Variants in ARL14EPL observed in about 807,000 individuals in gnomAD.
ARL14EPL encodes ARL14 effector protein-like.
ARL14EPL carries 17 observed loss-of-function variants against 15.9 expected under a neutral mutation model. That is an observed-to-expected ratio of 1.07 (90% CI 0.73 to 1.60). The LOEUF is 1.60. Among genes scored for constraint, ARL14EPL ranks in the 40% most tolerant of loss-of-function variants. The pLI, the probability that ARL14EPL is intolerant of heterozygous loss-of-function variation, is 0.00. For synonymous variants in ARL14EPL, 78 were observed against 63.8 expected, an observed-to-expected ratio of 1.22 and a Z score of -1.06; for missense variants, 214 against 185.9, an observed-to-expected ratio of 1.15 and a Z score of -0.88.
At chr5:116,039,934 G>T (rs1275943556) in intron 1 of ARL14EPL, among the ~76,000 whole-genome samples, 1 of 152,096 alleles carries the variant, frequency 6.6e-6, no homozygotes, top group African/African-American at 2.4e-5. Flanking sequence ...TACATTCTCA[G>T]ATCTGCTTTT....
Position 116,051,849 on chromosome 5 carries a change from A to T in ARL14EPL, c.96+288A>T, listed in dbSNP as rs200895836. 1.2e-4 allele frequency: 130 copies of T among 1,099,250 alleles called. No individual in the cohort carries two copies. The African/African-American group carries it at 2.1e-3, about 18-fold the overall frequency. The allele number at this position is 1,099,250 out of a possible 1,614,324, so 68.1% of individuals were successfully genotyped here. The stretch of plus-strand genomic sequence containing the variant: ...AATATATACAAACGTTTTTATTTTT[A>T]TTTTTATTTTTTGATTTAATAAAGT... On this transcript the variant is annotated intron_variant, in intron 2 of 3. Transcript: ENST00000686077.
intron 1 of ARL14EPL, among the ~76,000 whole-genome samples, chr5:116,045,936 A>AT (rs1393426752): frequency 6.6e-6 from 1 of 152,104 alleles, no homozygotes; most frequent in Non-Finnish European, 1.5e-5. Flanking sequence ...GGCAGTGGAG[A>AT]TTTTTTAGAG....
At chr5:116,058,646 A>T in intron 3 of ARL14EPL, 79 bp from the exon 4 acceptor site, 1 of 1,330,996 alleles carries the variant, frequency 7.5e-7, no homozygotes, top group Non-Finnish European at 1.0e-6. Flanking sequence ...CATGTGTATG[A>T]TGTTGATTGT....
At chr5:116,040,756 G>A (rs1270048574) in intron 1 of ARL14EPL, among the ~76,000 whole-genome samples, 3 of 149,776 alleles carry the variant, frequency 2.0e-5, no homozygotes, top group African/African-American at 4.9e-5. Flanking sequence ...GGCGGATCAC[G>A]AGGTCATATC....
chr5:116,045,772 GTGTGTGTGTA>G lies in ARL14EPL; in HGVS notation c.-9-5679_-9-5670del, dbSNP rs1370062725. Among the ~76,000 whole-genome samples, 155 of 110,610 alleles carry G rather than the reference GTGTGTGTGTA, an allele frequency of 1.4e-3. 1 individual carries two copies. Among genetic ancestry groups the G allele is most frequent in the South Asian group, 2.2e-3 (7 of 3,160 alleles). The allele number at this position is 110,610 out of a possible 152,430, so 72.6% of individuals were successfully genotyped here. On this transcript the variant is annotated intron_variant, in intron 1 of 3. Transcript: ENST00000686077. ...TGTGTGTGTGTGTGTGTGTGTGTGT[GTGTGTGTGTA>G]TGTGTACGAAAATACAACTACAAAA...
chr5:116,058,477 C>G (rs1489169037), intron 3 of ARL14EPL, among the ~76,000 whole-genome samples: 1 of 152,142 alleles, frequency 6.6e-6, no homozygotes, highest in Non-Finnish European at 1.5e-5. Context: ...GATGACAAGC[C>G]TGGCTGCACT....
intron 1 of ARL14EPL, among the ~76,000 whole-genome samples, chr5:116,042,248 G>A (rs552914894): frequency 6.6e-6 from 1 of 152,280 alleles, no homozygotes; most frequent in African/African-American, 2.4e-5. Context: ...GTGCTTATTT[G>A]ATTACATATC....
chr5:116,040,467 AAG>A (rs1389964525), intron 1 of ARL14EPL, among the ~76,000 whole-genome samples: 1 of 151,802 alleles, frequency 6.6e-6, no homozygotes, highest in East Asian at 1.9e-4. Flanking sequence ...ATTTCTGGAA[AAG>A]AGAATAAAGG....
chr5:116,049,665 G>T (rs538595476), intron 1 of ARL14EPL, among the ~76,000 whole-genome samples: 1 of 152,064 alleles, frequency 6.6e-6, no homozygotes, highest in Non-Finnish European at 1.5e-5. Context: ...TTTTAAATGT[G>T]TCCTTTCTTT....
Position 116,058,923 on chromosome 5 carries a change from G to C in ARL14EPL, c.435G>C (p.Thr145=), listed in dbSNP as rs370426377. The change falls in exon 4 of 4, where the codon ACG becomes ACC. Residue 145 remains threonine, a synonymous_variant. Coordinates refer to ENST00000686077, the MANE Select transcript of ARL14EPL (RefSeq NM_001195581.2). ...IVTESGEVIS[T]LPFNVPD Reference sequence around the variant, plus strand: ...CTGAGTCAGGAGAGGTCATCAGCACGCTGCCGTTTAATGTTCCTGACTAGG... The same window carrying C: ...CTGAGTCAGGAGAGGTCATCAGCACCCTGCCGTTTAATGTTCCTGACTAGG... 1.3e-6 allele frequency: 2 copies of C among 1,536,014 alleles called. No homozygotes were observed. The highest frequency in any genetic ancestry group is 8.7e-7 in the Non-Finnish European group (1 of 1,146,864).
At chr5:116,052,006 T>C (rs1749393199) in intron 2 of ARL14EPL, 3 of 1,611,456 alleles carry the variant, frequency 1.9e-6, no homozygotes, top group Non-Finnish European at 2.5e-6. Context: ...TGATAAGTCC[T>C]TTACTAAGGA....
intron 3 of ARL14EPL, 49 bp from the exon 4 acceptor site, chr5:116,058,676 G>A (rs1355945393): frequency 2.0e-6 from 3 of 1,492,248 alleles, no homozygotes; most frequent in Non-Finnish European, 2.7e-6. Context: ...TATTCTCAAT[G>A]TTGAGGATGA....
At chr5:116,042,788 A>G (rs1188333302) in intron 1 of ARL14EPL, among the ~76,000 whole-genome samples, 2 of 152,212 alleles carry the variant, frequency 1.3e-5, no homozygotes, top group Non-Finnish European at 2.9e-5. Context: ...CCTATATCAT[A>G]TAGAACTTCT....
In ARL14EPL at chr5:116,058,691, A is replaced by C. The variant is rs75242520; in HGVS notation, c.237-34A>C. The C allele has an allele frequency of 0.013, 19,989 of 1,515,288 alleles. 1,091 individuals are homozygous for C. The East Asian group carries it at 0.16, about 12-fold the overall frequency. The allele number at this position is 1,515,288 out of a possible 1,614,324, so 93.9% of individuals were successfully genotyped here. A position where few individuals can be genotyped will look rare whatever the true frequency, so the allele number is the denominator to read the frequency against. On this transcript the variant is annotated intron_variant, in intron 3 of 3. Transcript: ENST00000686077. ...TATTCTCAATGTTGAGGATGATTGCACTGTCATCTTAATGTCATGCTTTTC... is the reference window on the plus strand; with the variant it reads ...TATTCTCAATGTTGAGGATGATTGCCCTGTCATCTTAATGTCATGCTTTTC...
At chr5:116,049,765 G>C (rs1749335932) in intron 1 of ARL14EPL, among the ~76,000 whole-genome samples, 1 of 152,204 alleles carries the variant, frequency 6.6e-6, no homozygotes, top group Non-Finnish European at 1.5e-5. Context: ...AACTCCAGCA[G>C]TGCTATAAAA....
At chr5:116,034,694 T>G (rs1378173979) in intron 1 of ARL14EPL, among the ~76,000 whole-genome samples, 1 of 152,186 alleles carries the variant, frequency 6.6e-6, no homozygotes, top group Non-Finnish European at 1.5e-5. Flanking sequence ...ATATACCATT[T>G]GAGCTATGTG....
intron 1 of ARL14EPL, among the ~76,000 whole-genome samples, chr5:116,039,162 G>A (rs889156694): frequency 3.3e-5 from 5 of 152,062 alleles, no homozygotes; most frequent in Non-Finnish European, 7.4e-5. Flanking sequence ...GGGGCAGAAG[G>A]TCAGGTCCCG....
At chr5:116,050,816 T>TCAC (rs1561579525) in intron 1 of ARL14EPL, among the ~76,000 whole-genome samples, 1 of 81,558 alleles carries the variant, frequency 1.2e-5, no homozygotes, top group East Asian at 3.3e-4. Context: ...CTCTCTCTCT[T>TCAC]ACACACACAC....
At chr5:116,034,165 C>A (rs1255197953) in intron 1 of ARL14EPL, among the ~76,000 whole-genome samples, 1 of 152,152 alleles carries the variant, frequency 6.6e-6, no homozygotes, top group Admixed American at 6.5e-5. Flanking sequence ...AAATGATCAC[C>A]TTGTCTTTGA....
Sources: gnomAD v4.1 joint callset for allele counts (sites outside exome capture counted in the v4.1 genomes callset) on GRCh38, gnomAD v4.1.1 for gene constraint, MANE v1.5 for transcripts, NCBI Gene and HGNC (gene_info 2026-07-23, HGNC 2026-07-21) for gene names.